GRIA4: variants seen among roughly 807,000 people sequenced by gnomAD.
GRIA4 encodes the protein glutamate receptor 4.
Under a neutral mutation model 104.0 loss-of-function variants are expected in GRIA4, and 34 were observed. The observed-to-expected ratio is 0.33, with a 90% CI of 0.25 to 0.44. The LOEUF is 0.44. GRIA4 is among the 20% of genes least tolerant of loss of function. The pLI is 1.00. For missense variants in GRIA4, 750 were observed against 1,096.5 expected (o/e 0.68, Z 4.46); for synonymous variants, 386 against 381.9 (o/e 1.01, Z -0.13).
intron 4 of GRIA4, among the ~76,000 whole-genome samples, chr11:105,837,232 G>A (rs1166912659): frequency 6.6e-6 from 1 of 152,102 alleles, no homozygotes; most frequent in African/African-American, 2.4e-5. Context: ...GACAAGTGGA[G>A]ATTATGGGGA....
chr11:105,848,260 C>T (rs561354967), intron 4 of GRIA4, among the ~76,000 whole-genome samples: 56 of 152,222 alleles, frequency 3.7e-4, no homozygotes, highest in Non-Finnish European at 6.5e-4. Context: ...CTTTTTTGTA[C>T]TCTTTGAAAT....
At chr11:105,703,927 T>C (rs910033538) in intron 3 of GRIA4, among the ~76,000 whole-genome samples, 10 of 152,144 alleles carry the variant, frequency 6.6e-5, no homozygotes, top group Admixed American at 6.5e-4. Flanking sequence ...TACTAGTTTT[T>C]AACTGCTTTT....
intron 4 of GRIA4, among the ~76,000 whole-genome samples, chr11:105,850,939 C>T (rs535598182): frequency 6.6e-6 from 1 of 152,094 alleles, no homozygotes; most frequent in African/African-American, 2.4e-5. Context: ...TATTATAGAC[C>T]ATATCATGAG....
At chr11:105,649,453 A>C (rs1158624292) in intron 3 of GRIA4, among the ~76,000 whole-genome samples, 1 of 152,166 alleles carries the variant, frequency 6.6e-6, no homozygotes, top group African/African-American at 2.4e-5. Flanking sequence ...TGATGTTTTT[A>C]CCATTCCATT....
intron 3 of GRIA4, among the ~76,000 whole-genome samples, chr11:105,619,701 A>AGT (rs1420129148): frequency 6.6e-6 from 1 of 151,870 alleles, no homozygotes; most frequent in East Asian, 1.9e-4. Flanking sequence ...ACTTGTGCAC[A>AGT]GTGTGTGTGT....
At chr11:105,772,730 A>G (rs762070151) in intron 4 of GRIA4, among the ~76,000 whole-genome samples, 46 of 152,048 alleles carry the variant, frequency 3.0e-4, no homozygotes, top group Non-Finnish European at 5.0e-4. Context: ...GTCCCTATTA[A>G]CAATAGGTAA....
chr11:105,814,603 C>T (rs756760729), intron 4 of GRIA4, among the ~76,000 whole-genome samples: 2 of 151,802 alleles, frequency 1.3e-5, no homozygotes, highest in Non-Finnish European at 2.9e-5. Context: ...ATATAAAATG[C>T]GTAGTAGAGT....
intron 4 of GRIA4, among the ~76,000 whole-genome samples, chr11:105,757,906 C>T (rs1044361890): frequency 1.3e-5 from 2 of 152,064 alleles, no homozygotes; most frequent in African/African-American, 2.4e-5. Flanking sequence ...ATTTTTTCCC[C>T]ATGGTGATCA....
intron 14 of GRIA4, among the ~76,000 whole-genome samples, chr11:105,935,908 C>T (rs374352657): frequency 4.5e-4 from 68 of 152,272 alleles, no homozygotes; most frequent in African/African-American, 1.4e-3. Context: ...ATTGGCTTCC[C>T]CCTCTTTTCC....
At chr11:105,700,618 C>T (rs1288832728) in intron 3 of GRIA4, among the ~76,000 whole-genome samples, 1 of 152,122 alleles carries the variant, frequency 6.6e-6, no homozygotes, top group Non-Finnish European at 1.5e-5. Flanking sequence ...CTTCCATTTA[C>T]CCAGATGCTC....
At chr11:105,848,228 T>C (rs2135980106) in intron 4 of GRIA4, among the ~76,000 whole-genome samples, 1 of 152,310 alleles carries the variant, frequency 6.6e-6, no homozygotes, top group Admixed American at 6.5e-5. Flanking sequence ...AACTAAAATA[T>C]GAGAAGGGAC....
chr11:105,668,097 T>C (rs1418645220), intron 3 of GRIA4, among the ~76,000 whole-genome samples: 4 of 151,210 alleles, frequency 2.6e-5, no homozygotes, highest in Non-Finnish European at 5.9e-5. Flanking sequence ...TCATGCAGTA[T>C]TTGTCTTTCT....
intron 4 of GRIA4, among the ~76,000 whole-genome samples, chr11:105,844,630 G>C (rs1000518014): frequency 6.6e-6 from 1 of 152,074 alleles, no homozygotes; most frequent in Admixed American, 6.6e-5. Context: ...TATGTCACTG[G>C]GAAAATATGT....
intron 4 of GRIA4, among the ~76,000 whole-genome samples, chr11:105,765,165 G>A (rs544017535): frequency 6.6e-6 from 1 of 152,158 alleles, no homozygotes; most frequent in South Asian, 2.1e-4. Context: ...TCAAACAGCA[G>A]CCCAACTTAG....
At chr11:105,954,090 G>A (rs1008655339) in intron 14 of GRIA4, among the ~76,000 whole-genome samples, 34 of 152,060 alleles carry the variant, frequency 2.2e-4, no homozygotes, top group Non-Finnish European at 4.4e-4. Flanking sequence ...GTCTGATGGG[G>A]TATGTCTGCT....
chr11:105,918,874 G>A lies in GRIA4; in HGVS notation c.1432G>A (p.Asp478Asn), dbSNP rs757270514. The A allele has an allele frequency of 6.2e-7, 1 of 1,611,706 alleles. No individual in the cohort carries two copies. The highest frequency in any genetic ancestry group is 1.7e-5 in the Admixed American group (1 of 59,976). ...PDGKYGARDA[D>N]TKIWNGMVGE... ...TGGAAAATATGGAGCAAGGGATGCA[G>A]ACACAAAAATCTGGAATGGGATGGT... is the stretch of plus-strand genomic sequence containing the variant. The change falls in exon 11 of 17, where the codon GAC becomes AAC. Residue 478 changes from aspartate (D) to asparagine (N), a missense_variant. Coordinates refer to ENST00000282499, the MANE Select transcript of GRIA4 (RefSeq NM_000829.4).
chr11:105,669,552 A>C (rs1282133942), intron 3 of GRIA4, among the ~76,000 whole-genome samples: 1 of 152,100 alleles, frequency 6.6e-6, no homozygotes, highest in African/African-American at 2.4e-5. Flanking sequence ...TCTTTTCAAA[A>C]TCCACCTCAT....
At chr11:105,888,100 T>G (rs541989493) in intron 6 of GRIA4, among the ~76,000 whole-genome samples, 1 of 152,174 alleles carries the variant, frequency 6.6e-6, no homozygotes, top group East Asian at 1.9e-4. Flanking sequence ...AGAGAAATCC[T>G]TTTAGATATC....
chr11:105,656,032 G>T (rs1165555225), intron 3 of GRIA4, among the ~76,000 whole-genome samples: 1 of 152,050 alleles, frequency 6.6e-6, no homozygotes, highest in Non-Finnish European at 1.5e-5. Flanking sequence ...ATTCTAACTG[G>T]CGTGAGATGG....
Sources: allele counts gnomAD v4.1 joint callset (sites outside exome capture counted in the v4.1 genomes callset), GRCh38; gene constraint gnomAD v4.1.1; transcripts MANE v1.5; gene names NCBI Gene and HGNC (gene_info 2026-07-23, HGNC 2026-07-21).